SEPHS1: variants seen among roughly 807,000 people sequenced by gnomAD.
SEPHS1 encodes selenophosphate synthetase 1, also known as zincore component SEPHS1.
A neutral mutation model predicts 39.2 loss-of-function variants in SEPHS1; 7 were observed. The ratio of observed to expected loss-of-function variants is 0.18; its 90% CI spans 0.10 to 0.34. The LOEUF (loss-of-function observed/expected upper bound fraction) is 0.34. Ranked by LOEUF, SEPHS1 falls within the 10% of genes least tolerant of loss-of-function variation. SEPHS1 has a pLI of 1.00. For missense variants in SEPHS1, 253 were observed against 514.5 expected, an observed-to-expected ratio of 0.49 and a Z score of 4.92; for synonymous variants, 190 against 195.5, an observed-to-expected ratio of 0.97 and a Z score of 0.23.
chr10:13,333,135 A>G (rs898285444), intron 5 of SEPHS1, among the ~76,000 whole-genome samples: 1 of 142,838 alleles, frequency 7.0e-6, no homozygotes, highest in Admixed American at 7.1e-5. Context: ...TAATACATCT[A>G]TTTTTTTTTT....
intron 4 of SEPHS1, 49 bp from the exon 5 acceptor site, chr10:13,334,020 AC>A: frequency 1.3e-6 from 2 of 1,520,222 alleles, no homozygotes; most frequent in Non-Finnish European, 1.8e-6. Flanking sequence ...TCTGTTCAAA[AC>A]CCAGAAAAGA....
intron 7 of SEPHS1, among the ~76,000 whole-genome samples, chr10:13,328,101 C>G (rs921307070): frequency 2.6e-5 from 4 of 152,164 alleles, no homozygotes; most frequent in African/African-American, 9.6e-5. Context: ...GTAACCCACA[C>G]AAACGCTTTC....
chr10:13,347,439 CGGCGGGGCGGA>C (rs1242781603), intron 1 of SEPHS1: 2 of 150,026 alleles, frequency 1.3e-5, no homozygotes, highest in Non-Finnish European at 1.5e-5. Context: ...TGCGGGCCGG[CGGCGGGGCGGA>C]GGCGGCAGCT....
At chr10:13,342,739 C>CTTT (rs954868189) in intron 2 of SEPHS1, among the ~76,000 whole-genome samples, 5 of 145,250 alleles carry the variant, frequency 3.4e-5, no homozygotes, top group Non-Finnish European at 6.1e-5. Context: ...AAACAGTAAT[C>CTTT]TTTTTTTTTT....
At chr10:13,338,654 A>C (rs1564451445) in intron 3 of SEPHS1, 51 bp downstream of exon 3, 1 of 1,455,632 alleles carries the variant, frequency 6.9e-7, no homozygotes, top group Non-Finnish European at 9.7e-7. Flanking sequence ...CACAACCCAA[A>C]CCAAACAAAT....
chr10:13,340,376 C>G (rs1308969521), intron 2 of SEPHS1, among the ~76,000 whole-genome samples: 1 of 152,084 alleles, frequency 6.6e-6, no homozygotes, highest in East Asian at 1.9e-4. Context: ...CAGTTTTCAT[C>G]TGTCAGAGGA....
intron 2 of SEPHS1, among the ~76,000 whole-genome samples, chr10:13,340,482 CTT>C (rs1344523165): frequency 2.6e-5 from 4 of 152,128 alleles, no homozygotes; most frequent in African/African-American, 7.2e-5. Context: ...AAATACCACT[CTT>C]TAACTCAATG....
At position 13,322,693 on chromosome 10, in the gene SEPHS1, G is replaced by T. The variant is rs548909044; in HGVS notation, c.964+142C>A. ...ACCAGACCCACCGGGAGGAGGAAAG[G>T]CACCAGCTGCTGCGGAGGCCGAGGT... On this transcript the variant is annotated intron_variant, in intron 8 of 8. Transcript: ENST00000327347. 5.4e-6 allele frequency: 4 copies of T among 745,082 alleles called. No individual in the cohort carries two copies. In the East Asian group the frequency reaches 1.1e-4, roughly 20 times the overall value. 46.2% of individuals were successfully genotyped at this position (745,082 alleles called of 1,614,324 possible).
intron 2 of SEPHS1, among the ~76,000 whole-genome samples, chr10:13,341,978 GAAA>G (rs756726696): frequency 2.8e-5 from 3 of 108,970 alleles, no homozygotes; most frequent in African/African-American, 3.9e-5. Context: ...CTATCTCAAG[GAAA>G]AAAAAAAAAA....
At chr10:13,346,904 G>A (rs1280230811) in intron 1 of SEPHS1, among the ~76,000 whole-genome samples, 2 of 152,044 alleles carry the variant, frequency 1.3e-5, no homozygotes, top group African/African-American at 4.8e-5. Context: ...CTTGTATCAG[G>A]AAGGCGCTCA....
intron 7 of SEPHS1, among the ~76,000 whole-genome samples, chr10:13,325,956 A>AT (rs1554789096): frequency 1.8e-5 from 2 of 113,928 alleles, no homozygotes; most frequent in Non-Finnish European, 3.5e-5. Context: ...CAAAAAAAAA[A>AT]AAAAAAAATA....
chr10:13,334,539 C>G (rs1053897742), intron 4 of SEPHS1, among the ~76,000 whole-genome samples: 4 of 151,250 alleles, frequency 2.6e-5, no homozygotes, highest in African/African-American at 9.7e-5. Flanking sequence ...GAGACTTCAT[C>G]TCAAAAACAA....
intron 7 of SEPHS1, among the ~76,000 whole-genome samples, chr10:13,325,363 CAT>C (rs771471613): frequency 2.0e-5 from 3 of 152,180 alleles, no homozygotes; most frequent in African/African-American, 7.2e-5. Flanking sequence ...GTAATCCCCA[CAT>C]GTCAAGAGAG....
intron 7 of SEPHS1, among the ~76,000 whole-genome samples, chr10:13,323,790 G>A (rs1373258267): frequency 1.3e-5 from 2 of 151,042 alleles, no homozygotes; most frequent in African/African-American, 4.9e-5. Context: ...TGACCAGGCT[G>A]GAGTGCAGTG....
intron 5 of SEPHS1, among the ~76,000 whole-genome samples, chr10:13,330,850 T>G (rs1054508209): frequency 3.9e-5 from 6 of 152,004 alleles, no homozygotes; most frequent in Non-Finnish European, 7.4e-5. Flanking sequence ...TTTTTTAAAA[T>G]TATACTTTAA....
intron 8 of SEPHS1, among the ~76,000 whole-genome samples, chr10:13,320,259 G>C (rs1242070133): frequency 1.3e-5 from 2 of 151,198 alleles, no homozygotes; most frequent in Non-Finnish European, 2.9e-5. Context: ...TCGGCTCACT[G>C]CAAGCTCCAC....
chr10:13,337,360 GA>G (rs1385910007), intron 3 of SEPHS1, among the ~76,000 whole-genome samples: 2 of 152,142 alleles, frequency 1.3e-5, no homozygotes, highest in Non-Finnish European at 2.9e-5. Context: ...TGGTAATGAA[GA>G]TTTTTTTATT....
intron 1 of SEPHS1, chr10:13,347,263 A>C (rs1180851772): frequency 8.7e-5 from 13 of 149,960 alleles, no homozygotes; most frequent in Non-Finnish European, 1.6e-4. Context: ...CTGCCCCGCC[A>C]ACCCCGGACC....
chr10:13,321,239 G>C (rs996165257), intron 8 of SEPHS1, among the ~76,000 whole-genome samples: 3 of 142,518 alleles, frequency 2.1e-5, no homozygotes, highest in African/African-American at 8.2e-5. Context: ...CTGGGGCTAG[G>C]CATGTGTATT....
Sources: allele counts gnomAD v4.1 joint callset (sites outside exome capture counted in the v4.1 genomes callset), GRCh38; gene constraint gnomAD v4.1.1; transcripts MANE v1.5; gene names NCBI Gene and HGNC (gene_info 2026-07-23, HGNC 2026-07-21).